The following RUNX2 variants were observed in gnomAD, a reference collection of about 807,000 sequenced individuals.
RUNX2 encodes the protein RUNX family transcription factor 2.
RUNX2 carries 10 observed loss-of-function variants against 51.7 expected under a neutral mutation model. That is an observed-to-expected ratio of 0.19 (90% CI 0.12 to 0.33). The LOEUF (loss-of-function observed/expected upper bound fraction) is 0.33, where lower values mean the gene tolerates loss of function less well. RUNX2 is among the 10% of genes least tolerant of loss of function. The pLI, the probability that RUNX2 is intolerant of heterozygous loss-of-function variation, is 1.00. For synonymous variants in RUNX2, 276 were observed against 273.6 expected (o/e 1.01, Z -0.09); for missense variants, 562 against 691.3 (o/e 0.81, Z 2.10).
intron 2 of RUNX2, among the ~76,000 whole-genome samples, chr6:45,400,125 GGGAA>G (rs1406804333): frequency 4.1e-5 from 5 of 120,936 alleles, no homozygotes; most frequent in South Asian, 6.0e-4. Context: ...GGAGGAGGGA[GGGAA>G]GGAAGGAGGG....
chr6:45,390,022 T>C (rs992418984), intron 2 of RUNX2, among the ~76,000 whole-genome samples: 12 of 151,500 alleles, frequency 7.9e-5, no homozygotes, highest in Non-Finnish European at 1.0e-4. Flanking sequence ...AAAAAAAAGT[T>C]ATTTCACATT....
chr6:45,343,288 C>T lies in RUNX2; in HGVS notation c.58+14504C>T, dbSNP rs1790203358. Among the ~76,000 whole-genome samples the T allele has an allele frequency of 6.6e-5, 10 of 151,976 alleles. 1 individual carries two copies. In the South Asian group the frequency reaches 1.5e-3, roughly 22 times the overall value. The stretch of plus-strand genomic sequence containing the variant: ...ACTTTGGGAGGCCGAGGCGGGCAGA[C>T]CAAGAAGATCAAGACCATCCTGGCC... On this transcript the variant is annotated intron_variant, in intron 2 of 8. Transcript: ENST00000647337.
chr6:45,421,706 T>C (rs1312856753), intron 2 of RUNX2: 1 of 152,184 alleles, frequency 6.6e-6, no homozygotes, highest in Non-Finnish European at 1.5e-5. Context: ...AGATTGCCCC[T>C]AGTCTGGGGC....
At chr6:45,519,284 T>C (rs1801426551) in intron 7 of RUNX2, among the ~76,000 whole-genome samples, 1 of 152,220 alleles carries the variant, frequency 6.6e-6, no homozygotes, top group Non-Finnish European at 1.5e-5. Flanking sequence ...GCAGAATGTA[T>C]AGTTTCTTAT....
chr6:45,354,519 G>A (rs536692676), intron 2 of RUNX2, among the ~76,000 whole-genome samples: 11 of 151,210 alleles, frequency 7.3e-5, no homozygotes, highest in East Asian at 3.9e-4. Flanking sequence ...TTCTACTGCC[G>A]CTGCTAACTC....
At chr6:45,367,591 C>T (rs745984244) in intron 2 of RUNX2, among the ~76,000 whole-genome samples, 4 of 152,126 alleles carry the variant, frequency 2.6e-5, no homozygotes, top group Non-Finnish European at 4.4e-5. Flanking sequence ...GAAATGTTCC[C>T]TTGTCTCAAT....
chr6:45,371,797 C>T (rs1196651452), intron 2 of RUNX2: 4 of 978,802 alleles, frequency 4.1e-6, no homozygotes, highest in Non-Finnish European at 4.9e-6. Context: ...AACATATATG[C>T]AAATTGGTGG....
intron 2 of RUNX2, among the ~76,000 whole-genome samples, chr6:45,408,029 A>G (rs1366708624): frequency 2.0e-5 from 3 of 152,194 alleles, no homozygotes; most frequent in Admixed American, 6.5e-5. Flanking sequence ...ACTACATTAT[A>G]CTTTTTATAA....
intron 2 of RUNX2, among the ~76,000 whole-genome samples, chr6:45,386,381 C>T (rs1797349008): frequency 6.6e-6 from 1 of 152,086 alleles, no homozygotes; most frequent in Non-Finnish European, 1.5e-5. Context: ...AGTGCATTTT[C>T]TCAAAGAAAT....
chr6:45,395,740 T>A (rs1797567656), intron 2 of RUNX2, among the ~76,000 whole-genome samples: 1 of 152,194 alleles, frequency 6.6e-6, no homozygotes, highest in African/African-American at 2.4e-5. Flanking sequence ...TGATCTTGGC[T>A]CACTGCAACC....
intron 6 of RUNX2, among the ~76,000 whole-genome samples, chr6:45,510,779 C>A (rs1801119055): frequency 6.6e-6 from 1 of 151,570 alleles, no homozygotes; most frequent in East Asian, 1.9e-4. Flanking sequence ...TAATTAATGC[C>A]TATTAAGTCT....
At chr6:45,541,675 A>T (rs1483297549) in intron 7 of RUNX2, among the ~76,000 whole-genome samples, 1 of 152,198 alleles carries the variant, frequency 6.6e-6, no homozygotes, top group East Asian at 1.9e-4. Context: ...GACTCTGAAT[A>T]TGCCAGCATA....
intron 3 of RUNX2, among the ~76,000 whole-genome samples, chr6:45,423,211 C>T (rs1798275963): frequency 6.6e-6 from 1 of 152,170 alleles, no homozygotes; most frequent in Non-Finnish European, 1.5e-5. Flanking sequence ...CCCCCTGACC[C>T]GTTCAGCACT....
chr6:45,467,615 C>T (rs538519485), intron 5 of RUNX2, among the ~76,000 whole-genome samples: 97 of 152,132 alleles, frequency 6.4e-4, no homozygotes, highest in African/African-American at 2.1e-3. Flanking sequence ...CCCCCACCGC[C>T]CCCAGCCACT....
intron 6 of RUNX2, among the ~76,000 whole-genome samples, chr6:45,493,611 G>C (rs1243111984): frequency 6.6e-6 from 1 of 151,592 alleles, no homozygotes; most frequent in African/African-American, 2.4e-5. Flanking sequence ...TGCACTATAT[G>C]CATATAAGAA....
At chr6:45,535,719 A>G (rs1563128886) in intron 7 of RUNX2, among the ~76,000 whole-genome samples, 1 of 152,064 alleles carries the variant, frequency 6.6e-6, no homozygotes, top group East Asian at 1.9e-4. Context: ...TTCACAGCAG[A>G]GGGGGACTGT....
intron 5 of RUNX2, among the ~76,000 whole-genome samples, chr6:45,444,312 C>G (rs1048104920): frequency 2.0e-5 from 3 of 152,248 alleles, no homozygotes; most frequent in Non-Finnish European, 2.9e-5. Context: ...GAGACCAAAG[C>G]TGTGAATTGT....
intron 4 of RUNX2, 84 bp downstream of exon 4, chr6:45,432,103 C>A: frequency 1.6e-6 from 2 of 1,266,060 alleles, no homozygotes; most frequent in East Asian, 2.5e-5. Flanking sequence ...GTATACAAAT[C>A]AGCACCTTCT....
intron 2 of RUNX2, chr6:45,377,371 T>C (rs1452523105): frequency 6.6e-6 from 1 of 151,870 alleles, no homozygotes; most frequent in South Asian, 2.1e-4. Context: ...ACTAACTACC[T>C]AACTCTTCTC....
Sources: gnomAD v4.1 joint callset for allele counts (sites outside exome capture counted in the v4.1 genomes callset) on GRCh38, gnomAD v4.1.1 for gene constraint, MANE v1.5 for transcripts, NCBI Gene and HGNC (gene_info 2026-07-23, HGNC 2026-07-21) for gene names.